WDFY3: variants seen among roughly 807,000 people sequenced by gnomAD.
WDFY3 encodes WD repeat and FYVE domain containing 3.
In WDFY3, 66 loss-of-function variants were observed where a neutral mutation model predicts 409.6. The ratio of observed to expected loss-of-function variants is 0.16; its 90% CI spans 0.13 to 0.20. The LOEUF is 0.20. Ranked by LOEUF, WDFY3 falls within the 10% of genes least tolerant of loss-of-function variation. The probability of loss-of-function intolerance (pLI) is 1.00; values close to 1 mark genes in which losing one functional copy is unlikely to be tolerated. For missense variants in WDFY3, 3,031 were observed against 4,298.1 expected (o/e 0.71, Z 8.24); for synonymous variants, 1,521 against 1,537.1 (o/e 0.99, Z 0.25).
In WDFY3 at chr4:84,766,980, C is replaced by T. The variant is rs73831554; in HGVS notation, c.4850-608G>A. On this transcript the variant is annotated intron_variant, in intron 30 of 67. Coordinates refer to ENST00000295888, the MANE Select transcript of WDFY3 (RefSeq NM_014991.6). ...ACCCAGAGTTCTAGGCCCAGCTCTC[C>T]TCCAGCAGAGCTATGAGTTACTGAG... Among the ~76,000 whole-genome samples the T allele has an allele frequency of 6.1e-3, 928 of 152,296 alleles. 8 individuals carry two copies. Among genetic ancestry groups the T allele is most frequent in the African/African-American group, 0.021 (893 of 41,552 alleles).
chr4:84,686,920 A>G (rs1371345951), intron 62 of WDFY3, among the ~76,000 whole-genome samples: 3 of 152,142 alleles, frequency 2.0e-5, no homozygotes, highest in Non-Finnish European at 4.4e-5. Flanking sequence ...TAGGCTTGGT[A>G]TGTGTAGAGG....
chr4:84,743,623 T>G (rs1738832297), intron 37 of WDFY3, 77 bp downstream of exon 37: 1 of 1,138,054 alleles, frequency 8.8e-7, no homozygotes, highest in South Asian at 2.3e-5. Context: ...AAAGCTGATG[T>G]TAAAAAGTAG....
At chr4:84,747,270 T>G (rs1288108346) in intron 36 of WDFY3, among the ~76,000 whole-genome samples, 1 of 152,222 alleles carries the variant, frequency 6.6e-6, no homozygotes, top group Non-Finnish European at 1.5e-5. Context: ...GACAGCACAG[T>G]GGCTATGGAA....
intron 27 of WDFY3, among the ~76,000 whole-genome samples, chr4:84,777,528 G>A (rs1443164110): frequency 3.3e-5 from 5 of 152,016 alleles, no homozygotes; most frequent in African/African-American, 9.7e-5. Context: ...TGAGAGCTGC[G>A]GATGCTGAAA....
At chr4:84,901,994 T>C (rs1211302084) in intron 2 of WDFY3, among the ~76,000 whole-genome samples, 3 of 152,198 alleles carry the variant, frequency 2.0e-5, no homozygotes, top group Non-Finnish European at 4.4e-5. Context: ...ACCTCCATTC[T>C]ACTCTCCAGA....
chr4:84,893,634 T>C (rs1230339218), intron 3 of WDFY3, among the ~76,000 whole-genome samples: 1 of 152,192 alleles, frequency 6.6e-6, no homozygotes, highest in Non-Finnish European at 1.5e-5. Context: ...TATCTAGATT[T>C]TCCTATTTGA....
At chr4:84,732,310 C>T (rs184956160) in intron 44 of WDFY3, among the ~76,000 whole-genome samples, 4 of 152,182 alleles carry the variant, frequency 2.6e-5, no homozygotes, top group Admixed American at 1.3e-4. Flanking sequence ...CAAAGTAATG[C>T]TATATGTATA....
At position 84,701,627 on chromosome 4, in the gene WDFY3, T is replaced by C. The variant is rs541237489; in HGVS notation, c.8596+726A>G. On this transcript the variant is annotated intron_variant, in intron 56 of 67. Transcript: ENST00000295888. Reference sequence around the variant, plus strand: ...GCTTTAAAAGAAATACTCAGAAGCATAGATCAGCAAACTGTGTTCCAAGAA... The same window carrying C: ...GCTTTAAAAGAAATACTCAGAAGCACAGATCAGCAAACTGTGTTCCAAGAA... Among the ~76,000 whole-genome samples, 15 of 152,320 alleles carry C rather than the reference T, an allele frequency of 9.8e-5. No individual in the cohort carries two copies. The South Asian group carries it at 2.9e-3, about 29-fold the overall frequency.
In WDFY3 at chr4:84,916,583, T is replaced by C. The variant is rs530356687; in HGVS notation, c.-132+15687A>G. Among the ~76,000 whole-genome samples, 3 of 152,262 alleles carry C rather than the reference T, an allele frequency of 2.0e-5. No individual in the cohort carries two copies. The East Asian group carries it at 5.8e-4, about 29-fold the overall frequency. ...CTATTCTGACACTCTAATGCAGCAC[T>C]TCAACTGGATGTCAATGTATCAAGA... On this transcript the variant is annotated intron_variant, in intron 2 of 67. Coordinates refer to ENST00000295888, the MANE Select transcript of WDFY3 (RefSeq NM_014991.6).
intron 1 of WDFY3, among the ~76,000 whole-genome samples, chr4:84,947,481 C>T (rs537707185): frequency 8.7e-5 from 13 of 148,814 alleles, no homozygotes; most frequent in African/African-American, 3.0e-4. Flanking sequence ...CACTGCACTC[C>T]GGCCTGGGCA....
At chr4:84,714,646 A>C (rs995137135) in intron 50 of WDFY3, among the ~76,000 whole-genome samples, 4 of 152,144 alleles carry the variant, frequency 2.6e-5, no homozygotes, top group African/African-American at 9.7e-5. Flanking sequence ...GCTTATTTTG[A>C]AACTAAAGTT....
intron 32 of WDFY3, among the ~76,000 whole-genome samples, chr4:84,759,528 T>G (rs1263384340): frequency 6.6e-6 from 1 of 151,340 alleles, no homozygotes; most frequent in Non-Finnish European, 1.5e-5. Flanking sequence ...ACATCCCTTG[T>G]AAGGTGGATT....
At chr4:84,833,774 A>T (rs1246009866) in intron 7 of WDFY3, among the ~76,000 whole-genome samples, 1 of 152,228 alleles carries the variant, frequency 6.6e-6, no homozygotes. Flanking sequence ...AGGTAGCTGA[A>T]ATATCACATT....
chr4:84,871,475 G>C (rs570952508), intron 3 of WDFY3, among the ~76,000 whole-genome samples: 1 of 152,078 alleles, frequency 6.6e-6, no homozygotes, highest in Non-Finnish European at 1.5e-5. Flanking sequence ...AGCAAAAACT[G>C]AGAGAACTTG....
intron 47 of WDFY3, among the ~76,000 whole-genome samples, chr4:84,719,307 C>T (rs1734465733): frequency 6.6e-6 from 1 of 152,124 alleles, no homozygotes; most frequent in South Asian, 2.1e-4. Flanking sequence ...TTGTATTTTC[C>T]TCATAGGAAG....
chr4:84,734,008 C>T (rs1222936867), intron 43 of WDFY3, among the ~76,000 whole-genome samples: 1 of 152,012 alleles, frequency 6.6e-6, no homozygotes, highest in Non-Finnish European at 1.5e-5. Flanking sequence ...ACAACATGTA[C>T]GGGGGATATT....
At chr4:84,715,710 G>T (rs1224221830) in intron 49 of WDFY3, among the ~76,000 whole-genome samples, 7 of 149,932 alleles carry the variant, frequency 4.7e-5, no homozygotes, top group Non-Finnish European at 1.0e-4. Context: ...AGGAGGCAGG[G>T]CTTGCAGTGA....
chr4:84,784,891 T>TATATATACAC (rs1238884117), intron 24 of WDFY3, among the ~76,000 whole-genome samples: 24 of 36,928 alleles, frequency 6.5e-4, no homozygotes, highest in African/African-American at 1.7e-3. Flanking sequence ...TATATATATA[T>TATATATACAC]ACACACACAC....
At chr4:84,812,396 G>A (rs1253916882) in intron 13 of WDFY3, among the ~76,000 whole-genome samples, 5 of 151,946 alleles carry the variant, frequency 3.3e-5, no homozygotes, top group Non-Finnish European at 7.4e-5. Context: ...GGCTGAAGAT[G>A]GCTGAACTCA....
Sources: allele counts gnomAD v4.1 joint callset (sites outside exome capture counted in the v4.1 genomes callset), GRCh38; gene constraint gnomAD v4.1.1; transcripts MANE v1.5; gene names NCBI Gene and HGNC (gene_info 2026-07-23, HGNC 2026-07-21).